The following SV2C variants were observed in gnomAD, a reference collection of about 807,000 sequenced individuals.
The protein encoded by SV2C is solute carrier family 22 member B3.
A neutral mutation model predicts 79.7 loss-of-function variants in SV2C; 49 were observed. That is an observed-to-expected ratio of 0.61 (90% confidence interval 0.49 to 0.78). SV2C has a LOEUF of 0.78. Ranked by LOEUF, SV2C falls within the 30% of genes least tolerant of loss-of-function variation. The pLI is 0.00. For missense variants in SV2C, 833 were observed against 912.9 expected (o/e 0.91, Z 1.13); for synonymous variants, 334 against 333.2 (o/e 1.00, Z -0.03).
At chr5:75,962,660 G>A in the SV2C span, among the ~76,000 whole-genome samples, 1 of 152,084 alleles carries the variant, frequency 6.6e-6, no homozygotes, top group Non-Finnish European at 1.5e-5. Context: ...CAGAGCTAAT[G>A]TTCCTTGGCT....
At chr5:76,175,078 C>A (rs1743481576) in intron 2 of SV2C, among the ~76,000 whole-genome samples, 1 of 152,150 alleles carries the variant, frequency 6.6e-6, no homozygotes, top group South Asian at 2.1e-4. Flanking sequence ...GGAGAGGGGG[C>A]ATGGTGAGAG....
chr5:76,043,194 A>T, the SV2C span, among the ~76,000 whole-genome samples: 1 of 152,176 alleles, frequency 6.6e-6, no homozygotes, highest in Non-Finnish European at 1.5e-5. Context: ...TGTGTTAGCC[A>T]TCTGTGGCAG....
chr5:75,928,570 T>G, the SV2C span, among the ~76,000 whole-genome samples: 5 of 152,268 alleles, frequency 3.3e-5, 1 homozygote, highest in South Asian at 1.0e-3. Context: ...GCTTGGGAAA[T>G]GATTATGTAG....
chr5:75,911,212 C>CAGCCCT, the SV2C span: 1 of 1,584,778 alleles, frequency 6.3e-7, no homozygotes, highest in Admixed American at 1.7e-5. Context: ...TGCCCAGGCC[C>CAGCCCT]AGCCCTCTCC....
chr5:75,991,127 T>C, the SV2C span, among the ~76,000 whole-genome samples: 2 of 152,000 alleles, frequency 1.3e-5, no homozygotes, highest in East Asian at 1.9e-4. Flanking sequence ...CCAGGAATTA[T>C]TGTTTTTTTA....
rs1006942045 is a variant in SV2C, at chr5:76,115,442, T to A, written c.-101-16208T>A. Reference sequence around the variant, plus strand: ...AGAAGGGTAGTTGATCATAGATACGTATCAAGCACCTACCAGGTACAATGA... The same window carrying A: ...AGAAGGGTAGTTGATCATAGATACGAATCAAGCACCTACCAGGTACAATGA... On this transcript the variant is annotated intron_variant, in intron 1 of 12. Coordinates refer to ENST00000502798, the MANE Select transcript of SV2C (RefSeq NM_014979.4). Among the ~76,000 whole-genome samples, 19 of 152,332 alleles carry A rather than the reference T, an allele frequency of 1.2e-4. 1 individual carries two copies. In the South Asian group the frequency reaches 2.3e-3, roughly 18 times the overall value.
intron 12 of SV2C, among the ~76,000 whole-genome samples, chr5:76,312,725 C>T (rs949477776): frequency 1.3e-5 from 2 of 152,224 alleles, no homozygotes; most frequent in African/African-American, 2.4e-5. Flanking sequence ...TCTCTGCCTA[C>T]CTTCTTCCCT....
At chr5:76,264,215 G>T (rs1384288934) in intron 4 of SV2C, among the ~76,000 whole-genome samples, 1 of 151,430 alleles carries the variant, frequency 6.6e-6, no homozygotes, top group Non-Finnish European at 1.5e-5. Context: ...TCTTCTGCTT[G>T]ATTGATTCAG....
intron 12 of SV2C, among the ~76,000 whole-genome samples, chr5:76,311,834 CA>C (rs1182720344): frequency 6.6e-6 from 1 of 152,184 alleles, no homozygotes; most frequent in African/African-American, 2.4e-5. Flanking sequence ...CTGCCACCAG[CA>C]AAATTACTTT....
the SV2C span, among the ~76,000 whole-genome samples, chr5:75,896,332 C>G: frequency 6.6e-6 from 1 of 151,090 alleles, no homozygotes; most frequent in Admixed American, 6.6e-5. Context: ...TTTGTTCTTG[C>G]GATAGTTTAC....
At chr5:76,065,679 TCG>T in the SV2C span, among the ~76,000 whole-genome samples, 1 of 152,220 alleles carries the variant, frequency 6.6e-6, no homozygotes, top group Non-Finnish European at 1.5e-5. Context: ...TCTAGGTTTT[TCG>T]CTTAATATAA....
At chr5:76,257,209 T>C (rs571011699) in intron 4 of SV2C, among the ~76,000 whole-genome samples, 3 of 152,256 alleles carry the variant, frequency 2.0e-5, no homozygotes, top group Non-Finnish European at 4.4e-5. Flanking sequence ...TTATACTTAT[T>C]GTTGTCACTG....
chr5:75,876,016 C>T, the SV2C span, among the ~76,000 whole-genome samples: 3 of 151,884 alleles, frequency 2.0e-5, no homozygotes, highest in African/African-American at 4.8e-5. Context: ...AATGGCAACT[C>T]CTCAAAGAGC....
chr5:76,120,737 T>C (rs1266259301), intron 1 of SV2C, among the ~76,000 whole-genome samples: 2 of 149,488 alleles, frequency 1.3e-5, no homozygotes, highest in African/African-American at 5.1e-5. Flanking sequence ...ATGGTGTATA[T>C]GTGCCACATT....
Position 76,325,599 on chromosome 5 carries a change from TCTCCTTC to T in SV2C, c.*55_*61del. 1.3e-6 allele frequency: 2 copies of T among 1,596,832 alleles called. No homozygotes were observed. Among genetic ancestry groups the T allele is most frequent in the Non-Finnish European group, 1.7e-6 (2 of 1,172,260 alleles). On this transcript the variant is annotated 3_prime_UTR_variant, in exon 13 of 13. Transcript: ENST00000502798. ...TTTCTTCCTCCTGCCCTGGGTCAAT[TCTCCTTC>T]CTGACTCAAGGCTTCAGAGTTTTCC...
intron 4 of SV2C, among the ~76,000 whole-genome samples, chr5:76,280,412 A>C (rs1362356881): frequency 1.3e-5 from 2 of 152,188 alleles, no homozygotes; most frequent in African/African-American, 4.8e-5. Context: ...TGGACTCTGC[A>C]TCAGTTAGCT....
intron 2 of SV2C, among the ~76,000 whole-genome samples, chr5:76,171,912 A>G (rs1385447333): frequency 1.8e-5 from 2 of 110,678 alleles, no homozygotes; most frequent in African/African-American, 3.3e-5. Flanking sequence ...CCACCCGGCC[A>G]GCCGCCCCGT....
chr5:76,150,335 G>A (rs181677881), intron 2 of SV2C, among the ~76,000 whole-genome samples: 97 of 151,940 alleles, frequency 6.4e-4, no homozygotes, highest in African/African-American at 2.1e-3. Flanking sequence ...GTGCCACCAC[G>A]CCCAGCTAAT....
chr5:75,866,058 G>C, the SV2C span, among the ~76,000 whole-genome samples: 1 of 152,172 alleles, frequency 6.6e-6, no homozygotes, highest in African/African-American at 2.4e-5. Flanking sequence ...CTCCTGGAGG[G>C]AGTTCTGAGC....
Sources: gnomAD v4.1 joint callset for allele counts (sites outside exome capture counted in the v4.1 genomes callset) on GRCh38, gnomAD v4.1.1 for gene constraint, MANE v1.5 for transcripts, NCBI Gene and HGNC (gene_info 2026-07-23, HGNC 2026-07-21) for gene names.